CSPG4: variants seen among roughly 807,000 people sequenced by gnomAD.
CSPG4 encodes the protein chondroitin sulfate proteoglycan 4 (melanoma-associated).
In CSPG4, 74 loss-of-function variants were observed where a neutral mutation model predicts 139.3. The observed-to-expected ratio is 0.53, with a 90% CI of 0.44 to 0.64. CSPG4 has a LOEUF of 0.64. Among genes scored for constraint, CSPG4 ranks in the 30% least tolerant of loss-of-function variants. The pLI is 0.00. For synonymous variants in CSPG4, 1,234 were observed against 1,394.2 expected (o/e 0.89, Z 2.56); for missense variants, 2,565 against 3,148.3 (o/e 0.81, Z 4.43).
chr15:75,693,687 G>A (rs1894193030), intron 1 of CSPG4, among the ~76,000 whole-genome samples: 1 of 152,248 alleles, frequency 6.6e-6, no homozygotes, highest in African/African-American at 2.4e-5. Context: ...CCCCAGTCCA[G>A]ACTGATCCCT....
In CSPG4 at chr15:75,690,169, G is replaced by T. The variant is rs1402485730; in HGVS notation, c.896C>A (p.Ser299Tyr). ...VHINAHRLEI[S>Y]VDQYPTHTSN... The stretch of plus-strand genomic sequence containing the variant: ...AGTATGCGTAGGGTACTGGTCCACG[G>T]AGATTTCCAGCCGGTGAGCATTGAT... Residue 299 changes from serine to tyrosine, a missense_variant, in exon 3 of 10, where the codon TCC (serine) becomes TAC (tyrosine). By Grantham distance (144) the Ser-to-Tyr change is moderately radical (BLOSUM62 -2). This residue lies in a region of CSPG4 where 2,316 missense variants were observed against 2,818.2 expected (regional missense o/e 0.82). Coordinates refer to ENST00000308508, the MANE Select transcript of CSPG4 (RefSeq NM_001897.5). 8 of 1,613,100 alleles carry T rather than the reference G, an allele frequency of 5.0e-6. No individual in the cohort carries two copies. Among genetic ancestry groups the T allele is most frequent in the Non-Finnish European group, 6.8e-6 (8 of 1,179,922 alleles).
In CSPG4 at chr15:75,688,985, C is replaced by T. The variant is rs1303091642; in HGVS notation, c.2080G>A (p.Gly694Arg). Reference protein sequence around the residue: ...ANLSVETNAVGQDVSVLFRVT... With the variant: ...ANLSVETNAVRQDVSVLFRVT... ...CGGAACAGCACGCTCACATCCTGCC[C>T]CACGGCATTGGTCTCCACCGACAGG... is the stretch of plus-strand genomic sequence containing the variant. Residue 694 changes from glycine (G) to arginine (R), a missense_variant, in exon 3 of 10, where the codon GGG becomes AGG. Physicochemically the swap from Gly to Arg is moderately radical, Grantham distance 125. Coordinates refer to ENST00000308508, the MANE Select transcript of CSPG4 (RefSeq NM_001897.5). 1 of 1,612,450 alleles carries T rather than the reference C, an allele frequency of 6.2e-7. No homozygotes were observed.
Position 75,682,325 on chromosome 15 carries a change from CT to C in CSPG4, c.4917del (p.Glu1641ArgfsTer4), listed in dbSNP as rs1566972407. On this transcript the variant is annotated frameshift_variant, in exon 8 of 10. Transcript: ENST00000308508. LOFTEE classifies it high-confidence loss of function. Reference protein sequence around the residue: ...GRLFHAQQDSTGEALVNFTQA... With the variant: ...GRLFHAQQDSXGEALVNFTQA... ...TGAGTGAAGTTCACCAGGGCCTCCCCTGTGCTGTCCTGCTGGGCGTGGAACA... is the reference window on the plus strand; with the variant it reads ...TGAGTGAAGTTCACCAGGGCCTCCCCGTGCTGTCCTGCTGGGCGTGGAACA... The C allele has an allele frequency of 6.3e-7, 1 of 1,596,732 alleles. No individual in the cohort carries two copies. Among genetic ancestry groups the C allele is most frequent in the Admixed American group, 1.7e-5 (1 of 60,024 alleles).
intron 2 of CSPG4, among the ~76,000 whole-genome samples, chr15:75,692,784 C>T (rs1200391729): frequency 1.3e-5 from 2 of 152,274 alleles, no homozygotes; most frequent in African/African-American, 4.8e-5. Flanking sequence ...TGGCAGCAAG[C>T]GACTGTAAGA....
In CSPG4 at chr15:75,685,503, CGCTCCAGGCCTCAGGGCGGGAGTGCAG is replaced by C; in HGVS notation, c.3961_3987del (p.Leu1321_Ser1329del). On this transcript the variant is annotated inframe_deletion, in exon 4 of 10. Coordinates refer to ENST00000308508, the MANE Select transcript of CSPG4 (RefSeq NM_001897.5). ...GAGGCCACATCCAGCGAGAAGGCAT[CGCTCCAGGCCTCAGGGCGGGAGTGCAG>C]GTACAGGACCCTGCCTGTGTCCACT... is the stretch of plus-strand genomic sequence containing the variant. The C allele has an allele frequency of 6.2e-7, 1 of 1,610,474 alleles. No individual in the cohort carries two copies. The highest frequency in any genetic ancestry group is 2.2e-5 in the East Asian group (1 of 44,856).
Position 75,712,828 on chromosome 15 carries a change from C to G in CSPG4, c.-73G>C. On this transcript the variant is annotated 5_prime_UTR_variant, in exon 1 of 10. Transcript: ENST00000308508. Reference sequence around the variant, plus strand: ...GGAGCTGGGAGCTGAGTGGAGCGAGCGCGGCTCTGCTCCTGGGCGCGGGCC... The same window carrying G: ...GGAGCTGGGAGCTGAGTGGAGCGAGGGCGGCTCTGCTCCTGGGCGCGGGCC... 7 of 1,323,528 alleles carry G rather than the reference C, an allele frequency of 5.3e-6. No homozygotes were observed. The South Asian group carries it at 7.3e-5, about 14-fold the overall frequency. 82.0% of individuals were successfully genotyped at this position (1,323,528 alleles called of 1,614,324 possible). A position where few individuals can be genotyped will look rare whatever the true frequency, so the allele number is the denominator to read the frequency against.
chr15:75,675,808 C>G lies in CSPG4; in HGVS notation c.6711G>C (p.Ala2237=). ...IPMCLVLLLL[A]LILPLLFYLR... ...GGTAGAAGAGCAGGGGCAGGATGAG[C>G]GCCAGGAGCAGAAGTACCAGGCACA... Residue 2237 remains alanine (A), a synonymous_variant, in exon 10 of 10, where the codon GCG becomes GCC. Transcript: ENST00000308508. The G allele has an allele frequency of 6.2e-7, 1 of 1,613,342 alleles. No individual in the cohort carries two copies. The highest frequency in any genetic ancestry group is 1.6e-4 in the Middle Eastern group (1 of 6,062).
chr15:75,693,848 C>T (rs1328638952), intron 1 of CSPG4, among the ~76,000 whole-genome samples: 1 of 152,234 alleles, frequency 6.6e-6, no homozygotes, highest in Non-Finnish European at 1.5e-5. Context: ...CTCTCTCAGG[C>T]CATTCTTCCA....
chr15:75,675,895 A>G lies in CSPG4; in HGVS notation c.6624T>C (p.Ala2208=), dbSNP rs937944627. 11 of 1,604,210 alleles carry G rather than the reference A, an allele frequency of 6.9e-6. No individual in the cohort carries two copies. The African/African-American group carries it at 1.3e-4, about 19-fold the overall frequency. The change falls in exon 10 of 10, where the codon GCT becomes GCC. Residue 2208 remains alanine, a synonymous_variant. Coordinates refer to ENST00000308508, the MANE Select transcript of CSPG4 (RefSeq NM_001897.5). ...AGCTCAGGAAGCCTCCCTTGGCCACAGCGGGCTCAGGGCTGGATGCCATGG... is the reference window on the plus strand; with the variant it reads ...AGCTCAGGAAGCCTCCCTTGGCCACGGCGGGCTCAGGGCTGGATGCCATGG... ...PGPMASSPEP[A]VAKGGFLSFL... is the part of the protein sequence containing the mutation.
Position 75,676,844 on chromosome 15 carries a change from G to A in CSPG4, c.5675C>T (p.Thr1892Ile), listed in dbSNP as rs777921699. Residue 1892 changes from threonine (T) to isoleucine (I), a missense_variant, in exon 10 of 10, where the codon ACC becomes ATC. By Grantham distance (89) the Thr-to-Ile change is moderately conservative. Transcript: ENST00000308508. The part of the protein sequence containing the change: ...SLVGGGLGPV[T>I]RFTQADVDSG... ...ATCCACATCGGCTTGCGTGAAGCGG[G>A]TCACGGGCCCCAGGCCACCACCCAC... 3 of 1,561,500 alleles carry A rather than the reference G, an allele frequency of 1.9e-6. No homozygotes were observed. Among genetic ancestry groups the A allele is most frequent in the African/African-American group, 2.7e-5 (2 of 73,606 alleles).
rs1249071468 is a variant in CSPG4 at position 75,674,890 on chromosome 15, A to G, written c.*660T>C. 5.0e-6 allele frequency: 2 copies of G among 398,420 alleles called. No homozygotes were observed. Among genetic ancestry groups the G allele is most frequent in the Non-Finnish European group, 8.8e-6 (2 of 226,040 alleles). The allele number at this position is 398,420 out of a possible 1,614,324, so 24.7% of individuals were successfully genotyped here. A position where few individuals can be genotyped will look rare whatever the true frequency, so the allele number is the denominator to read the frequency against. ...CATCAGTCCTGGCTAGCTCAGCACC[A>G]TGTTAAATAGCTTCCTTGCAATCTC... On this transcript the variant is annotated 3_prime_UTR_variant, in exon 10 of 10. Coordinates refer to ENST00000308508, the MANE Select transcript of CSPG4 (RefSeq NM_001897.5).
chr15:75,680,992 G>A (rs1205019288), intron 8 of CSPG4, among the ~76,000 whole-genome samples: 4 of 152,170 alleles, frequency 2.6e-5, no homozygotes, highest in Middle Eastern at 3.2e-3. Flanking sequence ...TCTGAGTAAC[G>A]TGGGACTATA....
intron 1 of CSPG4, among the ~76,000 whole-genome samples, chr15:75,708,586 A>G (rs1174812534): frequency 6.6e-6 from 1 of 152,214 alleles, no homozygotes; most frequent in Non-Finnish European, 1.5e-5. Context: ...CTGGGGCCTG[A>G]GCCCACTGGT....
At chr15:75,677,921 T>C in intron 8 of CSPG4, 35 bp from the exon 9 acceptor site, 1 of 1,557,846 alleles carries the variant, frequency 6.4e-7, no homozygotes, top group Non-Finnish European at 8.7e-7. Flanking sequence ...GAGAGGCAGG[T>C]CCAGCCTGTG....
In CSPG4 at chr15:75,689,785, T is replaced by C. The variant is rs1444806349; in HGVS notation, c.1280A>G (p.Asn427Ser). ...GCTGATAGTCAGCAGCTGGGTGAAA[T>C]TGGCAAAGACAGGAGGCAGCCCTGG... Reference protein sequence around the residue: ...PEPGLPPVFANFTQLLTISPL... With the variant: ...PEPGLPPVFASFTQLLTISPL... The change falls in exon 3 of 10, where the codon AAT becomes AGT. Residue 427 changes from asparagine (N) to serine (S), a missense_variant. Asn to Ser is a conservative substitution (Grantham distance 46). Transcript: ENST00000308508. 14 of 1,612,576 alleles carry C rather than the reference T, an allele frequency of 8.7e-6. No homozygotes were observed. Among genetic ancestry groups the C allele is most frequent in the African/African-American group, 8.0e-5 (6 of 75,060 alleles).
rs764353708 is a variant in CSPG4, at chr15:75,688,180, T to C, written c.2885A>G (p.Asn962Ser). The part of the protein sequence containing the change: ...DKTTMVTSFT[N>S]EDLLRGRLVY... Reference sequence around the variant, plus strand: ...CAGCCGGCCACGCAACAGGTCTTCATTGGTGAAGGATGTCACCATAGTGGT... The same window carrying C: ...CAGCCGGCCACGCAACAGGTCTTCACTGGTGAAGGATGTCACCATAGTGGT... Residue 962 changes from asparagine to serine, a missense_variant, in exon 3 of 10, where the codon AAT becomes AGT. By Grantham distance (46) the Asn-to-Ser change is conservative. Transcript: ENST00000308508. The C allele has an allele frequency of 2.4e-5, 38 of 1,612,750 alleles. No homozygotes were observed. The highest frequency in any genetic ancestry group is 1.1e-5 in the South Asian group (1 of 91,078).
rs1254204861 is a variant in CSPG4, at chr15:75,687,356, C to T, written c.3709G>A (p.Ala1237Thr). Reference protein sequence around the residue: ...QVTIALEGPLAPLKLVRHKKI... With the variant: ...QVTIALEGPLTPLKLVRHKKI... ...TTGTGCCGGACCAGCTTCAGTGGGG[C>T]CAGTGGGCCCTCTAGGGCAATGGTC... Residue 1237 changes from alanine to threonine, a missense_variant, in exon 3 of 10, where the codon GCC becomes ACC. This residue lies in a region of CSPG4 where 2,316 missense variants were observed against 2,818.2 expected (regional missense o/e 0.82). Transcript: ENST00000308508. The surrounding 1 kb of genome is among the most constrained non-coding windows in gnomAD (Gnocchi z 5.4). 12 of 1,612,812 alleles carry T rather than the reference C, an allele frequency of 7.4e-6. No homozygotes were observed. The highest frequency in any genetic ancestry group is 1.0e-5 in the Non-Finnish European group (12 of 1,180,032).
chr15:75,676,360 C>T lies in CSPG4; in HGVS notation c.6159G>A (p.Gly2053=). The part of the protein sequence containing the change: ...VRALLHVWAG[G]PWPQGATLRL... ...GCAGGGTGGCACCCTGGGGCCATGG[C>T]CCACCTGCCCACACATGCAGCAGAG... The change falls in exon 10 of 10, where the codon GGG becomes GGA. Residue 2053 remains glycine, a synonymous_variant. Coordinates refer to ENST00000308508, the MANE Select transcript of CSPG4 (RefSeq NM_001897.5). 1 of 1,613,200 alleles carries T rather than the reference C, an allele frequency of 6.2e-7. No individual in the cohort carries two copies.
chr15:75,689,105 G>C lies in CSPG4; in HGVS notation c.1960C>G (p.Leu654Val), dbSNP rs776387063. ...GCCGGCCGGATGGCCACCACCTTCA[G>C]CGTGGCCGGGGGGCTGGCCTGCAGT... Reference protein sequence around the residue: ...DGLQASPPATLKVVAIRPAIQ... With the variant: ...DGLQASPPATVKVVAIRPAIQ... The change falls in exon 3 of 10, where the codon CTG (leucine) becomes GTG (valine). Residue 654 changes from leucine (L) to valine (V), a missense_variant. By Grantham distance (32) the Leu-to-Val change is conservative. Transcript: ENST00000308508. 2.5e-6 allele frequency: 4 copies of C among 1,604,214 alleles called. No individual in the cohort carries two copies. Among genetic ancestry groups the C allele is most frequent in the South Asian group, 2.2e-5 (2 of 90,238 alleles).
Sources: gnomAD v4.1 joint callset for allele counts (sites outside exome capture counted in the v4.1 genomes callset) on GRCh38, gnomAD v4.1.1 for gene constraint, gnomAD v4.1.1 regional missense constraint, Gnocchi (gnomAD v3.1) non-coding constraint, MANE v1.5 for transcripts, NCBI Gene and HGNC (gene_info 2026-07-23, HGNC 2026-07-21) for gene names.